Variants in ZRANB3 observed in about 807,000 individuals in gnomAD.
The protein encoded by ZRANB3 is DNA annealing helicase and endonuclease ZRANB3.
A neutral mutation model predicts 133.8 loss-of-function variants in ZRANB3; 125 were observed. The ratio of observed to expected loss-of-function variants is 0.93; its 90% CI spans 0.81 to 1.08. ZRANB3 has a LOEUF of 1.08. Among genes scored for constraint, ZRANB3 ranks in the 50% least tolerant of loss-of-function variants. The probability of loss-of-function intolerance (pLI) is 0.00; values close to 1 mark genes in which losing one functional copy is unlikely to be tolerated. For missense variants in ZRANB3, 1,229 were observed against 1,275.5 expected, an observed-to-expected ratio of 0.96 and a Z score of 0.56; for synonymous variants, 387 against 432.7, an observed-to-expected ratio of 0.89 and a Z score of 1.31.
At chr2:135,205,909 C>T (rs1210475556) in intron 19 of ZRANB3, among the ~76,000 whole-genome samples, 1 of 152,134 alleles carries the variant, frequency 6.6e-6, no homozygotes, top group Non-Finnish European at 1.5e-5. Context: ...AAAGGGGAAT[C>T]GCCAGACCAT....
intron 2 of ZRANB3, among the ~76,000 whole-genome samples, chr2:135,480,343 A>C (rs1410675582): frequency 6.6e-6 from 1 of 152,140 alleles, no homozygotes; most frequent in Non-Finnish European, 1.5e-5. Context: ...TTATAGTAAA[A>C]CCACCAGGTA....
At chr2:135,401,092 T>C (rs1490348284) in intron 2 of ZRANB3, among the ~76,000 whole-genome samples, 3 of 152,196 alleles carry the variant, frequency 2.0e-5, no homozygotes, top group Non-Finnish European at 4.4e-5. Context: ...ACACTTCTTA[T>C]TGCAGAATGA....
intron 1 of ZRANB3, among the ~76,000 whole-genome samples, chr2:135,527,486 T>C (rs1251308019): frequency 3.9e-5 from 6 of 151,936 alleles, no homozygotes; most frequent in African/African-American, 1.2e-4. Flanking sequence ...TTGAACCCAG[T>C]TGGCAGAGGT....
intron 6 of ZRANB3, among the ~76,000 whole-genome samples, chr2:135,327,340 G>T (rs1683885123): frequency 6.6e-6 from 1 of 152,014 alleles, no homozygotes; most frequent in Admixed American, 6.6e-5. Context: ...AACGAAAAAA[G>T]ATTATTTTAT....
intron 10 of ZRANB3, among the ~76,000 whole-genome samples, chr2:135,270,406 T>C (rs1253976765): frequency 6.6e-6 from 1 of 152,186 alleles, no homozygotes; most frequent in East Asian, 1.9e-4. Flanking sequence ...GAGATATCAG[T>C]CCTCAAGTAT....
chr2:135,447,895 C>T (rs2105001360), intron 2 of ZRANB3, among the ~76,000 whole-genome samples: 1 of 152,218 alleles, frequency 6.6e-6, no homozygotes, highest in Middle Eastern at 3.4e-3. Context: ...CTTATTCTAC[C>T]ATTTTGTACC....
chr2:135,238,995 A>G (rs921873588), intron 12 of ZRANB3: 1 of 152,206 alleles, frequency 6.6e-6, no homozygotes, highest in Non-Finnish European at 1.5e-5. Flanking sequence ...CCCTGGTTGA[A>G]TACTGCACCC....
chr2:135,256,217 C>T (rs1679645953), intron 12 of ZRANB3, among the ~76,000 whole-genome samples: 1 of 152,116 alleles, frequency 6.6e-6, no homozygotes, highest in Non-Finnish European at 1.5e-5. Flanking sequence ...TATGGATTTG[C>T]CTATTCTGGC....
At chr2:135,260,768 A>G (rs1679919818) in intron 12 of ZRANB3, among the ~76,000 whole-genome samples, 1 of 145,732 alleles carries the variant, frequency 6.9e-6, no homozygotes, top group African/African-American at 2.5e-5. Context: ...TAGTATATAC[A>G]AACTATATAT....
Position 135,477,933 on chromosome 2 carries a change from G to T in ZRANB3, c.161+26396C>A, listed in dbSNP as rs192946342. On this transcript the variant is annotated intron_variant, in intron 2 of 20. Transcript: ENST00000264159. ...GAGCCCTAGAGGTGAAGGTTGCATT[G>T]AGCCATGATCATGCCACCACACTCC... 1.4e-4 allele frequency among the ~76,000 whole-genome samples: 21 copies of T among 152,116 alleles called. No homozygotes were observed. The East Asian group carries it at 4.1e-3, about 29-fold the overall frequency.
chr2:135,496,810 C>A (rs183888096), intron 2 of ZRANB3, among the ~76,000 whole-genome samples: 1 of 152,198 alleles, frequency 6.6e-6, no homozygotes, highest in South Asian at 2.1e-4. Context: ...CTTAAACACT[C>A]CTGTTTTTGA....
intron 2 of ZRANB3, among the ~76,000 whole-genome samples, chr2:135,487,633 T>C (rs754584517): frequency 3.3e-5 from 5 of 152,212 alleles, no homozygotes; most frequent in Non-Finnish European, 5.9e-5. Context: ...GTTATGACGA[T>C]GGCGTTTTTC....
At chr2:135,505,854 C>T (rs1693156930) in intron 1 of ZRANB3, among the ~76,000 whole-genome samples, 1 of 151,920 alleles carries the variant, frequency 6.6e-6, no homozygotes, top group African/African-American at 2.4e-5. Flanking sequence ...TACACCTGAT[C>T]GAATGGGAAG....
At position 135,218,081 on chromosome 2, in the gene ZRANB3, G is replaced by C. The variant is rs1371360980; in HGVS notation, c.2353-474C>G. 2.0e-5 allele frequency among the ~76,000 whole-genome samples: 3 copies of C among 152,218 alleles called. No individual in the cohort carries two copies. In the East Asian group the frequency reaches 5.8e-4, roughly 29 times the overall value. On this transcript the variant is annotated intron_variant, in intron 16 of 20. Transcript: ENST00000264159. ...TCCTGCCTCAGCCCCCAAAGTGTTG[G>C]CATTACAGGTGTGAGCCATCTCACC...
intron 5 of ZRANB3, among the ~76,000 whole-genome samples, chr2:135,346,255 C>A (rs1016585043): frequency 2.0e-5 from 3 of 152,098 alleles, no homozygotes; most frequent in Non-Finnish European, 4.4e-5. Context: ...CACCACCATG[C>A]CCGGCTAATT....
chr2:135,297,079 G>C (rs575528568), intron 8 of ZRANB3, among the ~76,000 whole-genome samples: 12 of 152,276 alleles, frequency 7.9e-5, no homozygotes, highest in Non-Finnish European at 1.8e-4. Context: ...TTGTGTGCTG[G>C]GAGAACCACT....
At chr2:135,277,625 C>A (rs879713937) in intron 8 of ZRANB3, among the ~76,000 whole-genome samples, 4 of 151,908 alleles carry the variant, frequency 2.6e-5, no homozygotes, top group Non-Finnish European at 2.9e-5. Flanking sequence ...AGAAAGTAAA[C>A]AGAAAATATA....
intron 2 of ZRANB3, among the ~76,000 whole-genome samples, chr2:135,426,893 T>C (rs866572303): frequency 1.5e-5 from 1 of 64,730 alleles, no homozygotes; most frequent in African/African-American, 6.0e-5. Flanking sequence ...TATATATATA[T>C]ATATATATAT....
At chr2:135,343,212 G>A (rs1684776588) in intron 6 of ZRANB3, among the ~76,000 whole-genome samples, 2 of 147,482 alleles carry the variant, frequency 1.4e-5, no homozygotes, top group Non-Finnish European at 1.5e-5. Context: ...AAAACAGGGA[G>A]GGTAAATGCT....
Sources: gnomAD v4.1 joint callset for allele counts (sites outside exome capture counted in the v4.1 genomes callset) on GRCh38, gnomAD v4.1.1 for gene constraint, MANE v1.5 for transcripts, NCBI Gene and HGNC (gene_info 2026-07-23, HGNC 2026-07-21) for gene names.